The following EYA1 variants were observed in gnomAD, a reference collection of about 807,000 sequenced individuals.
The protein encoded by EYA1 is protein phosphatase EYA1.
In EYA1, 16 loss-of-function variants were observed where a neutral mutation model predicts 82.0. The ratio of observed to expected loss-of-function variants is 0.20; its 90% CI spans 0.13 to 0.30. EYA1 has a LOEUF of 0.30. EYA1 is among the 10% of genes least tolerant of loss of function. The pLI is 1.00. For synonymous variants in EYA1, 261 were observed against 264.4 expected (o/e 0.99, Z 0.12); for missense variants, 633 against 730.7 (o/e 0.87, Z 1.54).
chr8:71,520,456 G>A (rs994862873), intron 2 of EYA1, among the ~76,000 whole-genome samples: 6 of 152,286 alleles, frequency 3.9e-5, no homozygotes, highest in African/African-American at 1.4e-4. Flanking sequence ...ACTGTTAAGA[G>A]CTTAACTACA....
intron 9 of EYA1, among the ~76,000 whole-genome samples, chr8:71,291,758 T>C (rs775874763): frequency 1.3e-5 from 2 of 152,186 alleles, no homozygotes; most frequent in South Asian, 2.1e-4. Flanking sequence ...CTAACACTTA[T>C]TGAGCATTTA....
intron 3 of EYA1, among the ~76,000 whole-genome samples, chr8:71,347,837 G>T (rs1227753592): frequency 1.3e-4 from 18 of 143,590 alleles, no homozygotes; most frequent in Non-Finnish European, 2.6e-4. Flanking sequence ...AATGTGTTTG[G>T]TAGAGTCTGT....
intron 4 of EYA1, chr8:71,323,890 A>G (rs2129034586): frequency 6.6e-6 from 1 of 152,398 alleles, no homozygotes; most frequent in Admixed American, 6.5e-5. Flanking sequence ...TGCCCAGGTC[A>G]TCTGCAACTA....
At chr8:71,221,414 C>A (rs767770179) in intron 12 of EYA1, among the ~76,000 whole-genome samples, 2 of 152,136 alleles carry the variant, frequency 1.3e-5, no homozygotes, top group Admixed American at 1.3e-4. Flanking sequence ...TCTTTCACCC[C>A]CAAGTCACAG....
intron 17 of EYA1, among the ~76,000 whole-genome samples, chr8:71,203,354 C>G (rs760438486): frequency 1.7e-4 from 26 of 152,138 alleles, no homozygotes; most frequent in Non-Finnish European, 3.1e-4. Flanking sequence ...CAAGAGCTGA[C>G]CAGCAGGCAA....
At chr8:71,386,800 G>T (rs1240651954) in intron 2 of EYA1, among the ~76,000 whole-genome samples, 1 of 152,204 alleles carries the variant, frequency 6.6e-6, no homozygotes, top group African/African-American at 2.4e-5. Context: ...TTGATGAGAA[G>T]TCAAGGATGA....
chr8:71,516,345 T>C (rs1812974217), intron 2 of EYA1, among the ~76,000 whole-genome samples: 1 of 152,138 alleles, frequency 6.6e-6, no homozygotes. Flanking sequence ...TAAATCAACT[T>C]ACTAAGGGCC....
intron 2 of EYA1, among the ~76,000 whole-genome samples, chr8:71,376,697 A>G (rs540923167): frequency 5.9e-5 from 9 of 152,304 alleles, no homozygotes; most frequent in African/African-American, 1.9e-4. Flanking sequence ...GGATGACTGC[A>G]GTCTCTCCGC....
chr8:71,336,310 AC>A (rs1824479420), intron 3 of EYA1, among the ~76,000 whole-genome samples: 1 of 152,150 alleles, frequency 6.6e-6, no homozygotes, highest in Non-Finnish European at 1.5e-5. Context: ...CTGCTCTCCT[AC>A]GGTCTTAGGG....
chr8:71,538,487 G>A (rs1448347559), intron 1 of EYA1, among the ~76,000 whole-genome samples: 1 of 152,138 alleles, frequency 6.6e-6, no homozygotes, highest in Non-Finnish European at 1.5e-5. Context: ...CAACTAGAAA[G>A]CATCCACAAA....
chr8:71,317,672 T>C lies in EYA1; in HGVS notation c.436A>G (p.Ile146Val), dbSNP rs202188500. Residue 146 changes from isoleucine to valine, a missense_variant, in exon 7 of 18, where the codon ATC becomes GTC. Transcript: ENST00000340726. Reference protein sequence around the residue: ...ISSYGALWAGIKTEGGLSQSQ... With the variant: ...ISSYGALWAGVKTEGGLSQSQ... ...TGTGACAATCCACCTTCAGTCTTGA[T>C]GCCTGCCCACAATGCACCTAAATCA... 59 of 1,614,042 alleles carry C rather than the reference T, an allele frequency of 3.7e-5. No homozygotes were observed. The highest frequency in any genetic ancestry group is 4.0e-5 in the Non-Finnish European group (47 of 1,179,998).
intron 17 of EYA1, among the ~76,000 whole-genome samples, chr8:71,201,525 T>G (rs1176938801): frequency 6.6e-6 from 1 of 152,172 alleles, no homozygotes; most frequent in Non-Finnish European, 1.5e-5. Context: ...ATCCTATAGC[T>G]TTCCTCCTCA....
At chr8:71,514,805 C>T (rs886793717) in intron 2 of EYA1, among the ~76,000 whole-genome samples, 4 of 152,132 alleles carry the variant, frequency 2.6e-5, no homozygotes, top group Non-Finnish European at 5.9e-5. Flanking sequence ...ACCATATCAA[C>T]TATCAATGGT....
intron 2 of EYA1, among the ~76,000 whole-genome samples, chr8:71,499,564 G>A (rs1811665889): frequency 6.6e-6 from 1 of 152,124 alleles, no homozygotes; most frequent in South Asian, 2.1e-4. Flanking sequence ...TTCTGCCCCT[G>A]CCCACTAAGA....
intron 2 of EYA1, among the ~76,000 whole-genome samples, chr8:71,483,353 T>C (rs1279304008): frequency 8.1e-6 from 1 of 123,910 alleles, no homozygotes; most frequent in Non-Finnish European, 1.7e-5. Context: ...TGCAAAGCCC[T>C]CACTTTAGTA....
chr8:71,312,558 C>T (rs1821458966), intron 7 of EYA1, among the ~76,000 whole-genome samples: 6 of 152,162 alleles, frequency 3.9e-5, no homozygotes, highest in Admixed American at 3.9e-4. Context: ...CTACCTCAGC[C>T]TCCCAAGTAG....
intron 3 of EYA1, among the ~76,000 whole-genome samples, chr8:71,337,107 C>T (rs79453821): frequency 0.03 from 4,607 of 152,236 alleles, 231 homozygotes; most frequent in African/African-American, 0.1. Context: ...ATCTCTCCAA[C>T]GCTTTGAATT....
At chr8:71,344,052 T>C (rs932746186) in intron 3 of EYA1, among the ~76,000 whole-genome samples, 1 of 152,156 alleles carries the variant, frequency 6.6e-6, no homozygotes, top group Non-Finnish European at 1.5e-5. Context: ...TATTTTAAAG[T>C]AAGTTGCAGA....
intron 2 of EYA1, among the ~76,000 whole-genome samples, chr8:71,492,043 A>G (rs1811034794): frequency 6.6e-6 from 1 of 152,184 alleles, no homozygotes. Flanking sequence ...TGCAGGAACT[A>G]TGATCCTACC....
Sources: gnomAD v4.1 joint callset for allele counts (sites outside exome capture counted in the v4.1 genomes callset) on GRCh38, gnomAD v4.1.1 for gene constraint, MANE v1.5 for transcripts, NCBI Gene and HGNC (gene_info 2026-07-23, HGNC 2026-07-21) for gene names.